Variants in HECW1 observed in about 807,000 individuals in gnomAD.
HECW1 encodes E3 ubiquitin-protein ligase HECW1.
HECW1 carries 61 observed loss-of-function variants against 182.3 expected under a neutral mutation model. The observed-to-expected ratio is 0.33, with a 90% CI of 0.27 to 0.41. HECW1 has a LOEUF of 0.41. Among genes scored for constraint, HECW1 ranks in the 10% least tolerant of loss-of-function variants. The pLI, the probability that HECW1 is intolerant of heterozygous loss-of-function variation, is 1.00. For synonymous variants in HECW1, 859 were observed against 832.6 expected, an observed-to-expected ratio of 1.03 and a Z score of -0.55; for missense variants, 1,739 against 2,108.9, an observed-to-expected ratio of 0.82 and a Z score of 3.44.
intron 2 of HECW1, among the ~76,000 whole-genome samples, chr7:43,175,290 A>T (rs1792115665): frequency 1.3e-5 from 2 of 152,174 alleles, no homozygotes; most frequent in African/African-American, 4.8e-5. Context: ...ATCCACTCTC[A>T]GCAATTTGTA....
intron 8 of HECW1, among the ~76,000 whole-genome samples, chr7:43,412,378 C>A (rs908334569): frequency 6.6e-6 from 1 of 151,712 alleles, no homozygotes; most frequent in Non-Finnish European, 1.5e-5. Flanking sequence ...AAAATATAGT[C>A]CTTAATGCCT....
At chr7:43,415,332 T>C in intron 8 of HECW1, among the ~76,000 whole-genome samples, 1 of 144,224 alleles carries the variant, frequency 6.9e-6, no homozygotes. Context: ...AAAATTCTTT[T>C]CTTTAAGAAT....
intron 2 of HECW1, among the ~76,000 whole-genome samples, chr7:43,157,876 A>G (rs534039990): frequency 1.3e-5 from 2 of 152,292 alleles, no homozygotes; most frequent in East Asian, 3.9e-4. Context: ...ATTATTTTCA[A>G]AATCATATTT....
At chr7:43,479,508 T>A in intron 16 of HECW1, 102 bp from the exon 17 acceptor site, 1 of 1,378,334 alleles carries the variant, frequency 7.3e-7, no homozygotes, top group Non-Finnish European at 1.0e-6. Flanking sequence ...TGGGCAGAAA[T>A]AAACCTGAGG....
chr7:43,193,122 T>G (rs978856190), intron 2 of HECW1, among the ~76,000 whole-genome samples: 1 of 152,246 alleles, frequency 6.6e-6, no homozygotes, highest in African/African-American at 2.4e-5. Flanking sequence ...ATGGCATTTG[T>G]AAACTGTCAT....
At chr7:43,438,966 C>T (rs938150029) in intron 9 of HECW1, 5 of 152,136 alleles carry the variant, frequency 3.3e-5, no homozygotes, top group South Asian at 2.1e-4. Flanking sequence ...TTTGGAATCA[C>T]GGATAATTAT....
intron 2 of HECW1, among the ~76,000 whole-genome samples, chr7:43,179,561 TTGTTG>T (rs1792598293): frequency 7.0e-6 from 1 of 141,864 alleles, no homozygotes; most frequent in African/African-American, 2.8e-5. Flanking sequence ...AAGTTTGTTG[TTGTTG>T]TTGTTGTTGT....
At chr7:43,537,147 G>T (rs1218487930) in intron 24 of HECW1, among the ~76,000 whole-genome samples, 1 of 152,200 alleles carries the variant, frequency 6.6e-6, no homozygotes, top group Non-Finnish European at 1.5e-5. Context: ...AGAGAAAGAA[G>T]TGAGCAAAGC....
intron 2 of HECW1, among the ~76,000 whole-genome samples, chr7:43,213,757 A>G (rs905369668): frequency 6.6e-6 from 1 of 152,134 alleles, no homozygotes; most frequent in Non-Finnish European, 1.5e-5. Flanking sequence ...TAATTTTTTT[A>G]AAAATTAAAT....
intron 3 of HECW1, among the ~76,000 whole-genome samples, chr7:43,300,265 C>T (rs1463613404): frequency 6.6e-6 from 1 of 152,248 alleles, no homozygotes; most frequent in African/African-American, 2.4e-5. Flanking sequence ...TGCCAGTCCT[C>T]CTATCACAGC....
At position 43,564,659 on chromosome 7, in the gene HECW1, TC is replaced by T. The variant is rs1201896252; in HGVS notation, c.*2735del. The T allele has an allele frequency of 5.5e-6, 1 of 180,588 alleles. No homozygotes were observed. The highest frequency in any genetic ancestry group is 2.4e-5 in the African/African-American group (1 of 42,376). 11.2% of individuals were successfully genotyped at this position (180,588 alleles called of 1,614,324 possible). A position where few individuals can be genotyped will look rare whatever the true frequency, so the allele number is the denominator to read the frequency against. The stretch of plus-strand genomic sequence containing the variant: ...TATTTTATTGCAACCTTGCATAGAA[TC>T]CTTAAGGAAGAAAAACAAAGAGAAG... On this transcript the variant is annotated 3_prime_UTR_variant, in exon 30 of 30. Coordinates refer to ENST00000395891, the MANE Select transcript of HECW1 (RefSeq NM_015052.5).
intron 2 of HECW1, among the ~76,000 whole-genome samples, chr7:43,127,518 C>A (rs1189873749): frequency 1.2e-5 from 1 of 84,228 alleles, no homozygotes; most frequent in East Asian, 4.2e-4. Flanking sequence ...AGTGAAACTC[C>A]ATCTCAAAAA....
chr7:43,454,816 C>T (rs1283164996), intron 12 of HECW1, among the ~76,000 whole-genome samples: 1 of 152,234 alleles, frequency 6.6e-6, no homozygotes, highest in Non-Finnish European at 1.5e-5. Context: ...ATCTGACCTA[C>T]TCCCGAAAGC....
chr7:43,313,339 A>ATTT (rs3032878), intron 4 of HECW1, among the ~76,000 whole-genome samples: 19,682 of 142,606 alleles, frequency 0.14, 4,502 homozygotes, highest in African/African-American at 0.48. Flanking sequence ...CCTAAAGAGC[A>ATTT]TTTTTTTTTT....
Position 43,189,551 on chromosome 7 carries a change from T to G in HECW1, c.-31-54324T>G, listed in dbSNP as rs536015293. ...TAAATCTGGATATCATGAAGCTGCT[T>G]CTTCTCATAAAGATAATGTGAATAC... On this transcript the variant is annotated intron_variant, in intron 2 of 29. Coordinates refer to ENST00000395891, the MANE Select transcript of HECW1 (RefSeq NM_015052.5). Among the ~76,000 whole-genome samples, 17 of 152,268 alleles carry G rather than the reference T, an allele frequency of 1.1e-4. No homozygotes were observed. The East Asian group carries it at 2.1e-3, about 19-fold the overall frequency.
chr7:43,506,128 C>T, intron 21 of HECW1, among the ~76,000 whole-genome samples: 1 of 152,154 alleles, frequency 6.6e-6, no homozygotes, highest in East Asian at 1.9e-4. Context: ...GTAAACTTTA[C>T]TCTTATGATG....
intron 16 of HECW1, among the ~76,000 whole-genome samples, chr7:43,470,914 CA>C: frequency 6.6e-6 from 1 of 152,264 alleles, no homozygotes; most frequent in Non-Finnish European, 1.5e-5. Context: ...CAGAGAGGAA[CA>C]AAGGAGGATA....
At chr7:43,446,558 A>G (rs2077061474) in intron 11 of HECW1, among the ~76,000 whole-genome samples, 3 of 152,234 alleles carry the variant, frequency 2.0e-5, no homozygotes, top group Non-Finnish European at 4.4e-5. Context: ...AAGCTCATCA[A>G]GGGCCAGAGT....
Position 43,252,987 on chromosome 7 carries a change from C to T in HECW1, c.27+9055C>T, listed in dbSNP as rs571291966. On this transcript the variant is annotated intron_variant, in intron 3 of 29. Transcript: ENST00000395891. ...TAGAGTTCAACTTTGCTTCCAGCTG[C>T]GTAACCTTGGAGAAGTTATTTAGCC... Among the ~76,000 whole-genome samples the T allele has an allele frequency of 4.6e-5, 7 of 152,312 alleles. No homozygotes were observed. The South Asian group carries it at 1.2e-3, about 27-fold the overall frequency.
Sources: gnomAD v4.1 joint callset for allele counts (sites outside exome capture counted in the v4.1 genomes callset) on GRCh38, gnomAD v4.1.1 for gene constraint, MANE v1.5 for transcripts, NCBI Gene and HGNC (gene_info 2026-07-23, HGNC 2026-07-21) for gene names.